NEBL: variants seen among roughly 807,000 people sequenced by gnomAD.
The protein encoded by NEBL is nebulette.
NEBL carries 122 observed loss-of-function variants against 140.2 expected under a neutral mutation model. The observed-to-expected ratio is 0.87, with a 90% confidence interval of 0.75 to 1.01. NEBL has a LOEUF of 1.01. NEBL is among the 50% of genes least tolerant of loss of function. The probability of loss-of-function intolerance (pLI) is 0.00; values close to 1 mark genes in which losing one functional copy is unlikely to be tolerated. For missense variants in NEBL, 1,365 were observed against 1,231.3 expected (o/e 1.11, Z -1.62); for synonymous variants, 436 against 398.9 (o/e 1.09, Z -1.11).
chr10:21,250,029 A>T (rs1463993135), intron 2 of NEBL, among the ~76,000 whole-genome samples: 3 of 152,048 alleles, frequency 2.0e-5, no homozygotes, highest in Admixed American at 6.6e-5. Context: ...ACGCCAGTGC[A>T]CTCCAGCCTG....
intron 1 of NEBL, among the ~76,000 whole-genome samples, chr10:21,264,724 A>G (rs1262699142): frequency 1.4e-5 from 2 of 144,794 alleles, no homozygotes; most frequent in Non-Finnish European, 3.0e-5. Context: ...AAAAAAAAAA[A>G]AAAAAAAAAG....
intron 3 of NEBL, among the ~76,000 whole-genome samples, chr10:21,226,881 T>C (rs1353301531): frequency 6.6e-6 from 1 of 152,158 alleles, no homozygotes; most frequent in Non-Finnish European, 1.5e-5. Context: ...TTTGTGTGGA[T>C]AGTGTTCAAT....
At chr10:21,133,640 C>T (rs764086308) in intron 2 of NEBL, among the ~76,000 whole-genome samples, 24 of 152,168 alleles carry the variant, frequency 1.6e-4, no homozygotes, top group South Asian at 4.1e-4. Flanking sequence ...GCATATGGCA[C>T]GTTGTGAACA....
At chr10:20,939,263 G>A (rs1024205625) in intron 4 of NEBL, among the ~76,000 whole-genome samples, 2 of 152,220 alleles carry the variant, frequency 1.3e-5, no homozygotes, top group African/African-American at 2.4e-5. Context: ...AGCCAGAAGA[G>A]AGTGGGGGCC....
intron 2 of NEBL, among the ~76,000 whole-genome samples, chr10:21,167,104 T>A (rs1840810193): frequency 6.6e-6 from 1 of 152,160 alleles, no homozygotes. Flanking sequence ...TCTGGGTGAC[T>A]CGTCACGAGA....
chr10:20,863,228 G>A (rs1843911604), intron 7 of NEBL, among the ~76,000 whole-genome samples: 1 of 152,072 alleles, frequency 6.6e-6, no homozygotes, highest in South Asian at 2.1e-4. Context: ...CTGCACCTGG[G>A]TATGTGTGAA....
At chr10:20,839,099 G>A (rs1841162643) in intron 13 of NEBL, among the ~76,000 whole-genome samples, 2 of 152,084 alleles carry the variant, frequency 1.3e-5, no homozygotes, top group African/African-American at 4.8e-5. Context: ...TAGCACAGAG[G>A]AGATGATCAA....
At chr10:20,806,297 G>C (rs986472945) in intron 26 of NEBL, among the ~76,000 whole-genome samples, 5 of 152,138 alleles carry the variant, frequency 3.3e-5, no homozygotes, top group African/African-American at 1.2e-4. Flanking sequence ...ATTCATTTAG[G>C]ACCTAAATCA....
At chr10:21,221,281 T>C (rs1365827492) in intron 3 of NEBL, among the ~76,000 whole-genome samples, 1 of 152,184 alleles carries the variant, frequency 6.6e-6, no homozygotes, top group Middle Eastern at 3.2e-3. Context: ...AACTTTTATT[T>C]GTCAATTGTA....
chr10:20,857,112 C>T (rs976789472), intron 9 of NEBL, among the ~76,000 whole-genome samples: 34 of 152,116 alleles, frequency 2.2e-4, no homozygotes, highest in African/African-American at 6.3e-4. Flanking sequence ...CATGAAACAC[C>T]ATGCCCAGCC....
intron 4 of NEBL, among the ~76,000 whole-genome samples, chr10:20,912,070 C>T (rs113515307): frequency 1.3e-5 from 2 of 152,286 alleles, no homozygotes; most frequent in Admixed American, 6.5e-5. Flanking sequence ...GTTATAATAA[C>T]TTTTCTTATT....
intron 23 of NEBL, 78 bp from the exon 24 acceptor site, chr10:20,813,018 T>A: frequency 1.7e-6 from 2 of 1,190,332 alleles, no homozygotes; most frequent in Non-Finnish European, 2.5e-6. Flanking sequence ...ATGACAGGTG[T>A]ACACTGCACT....
intron 4 of NEBL, among the ~76,000 whole-genome samples, chr10:20,910,828 G>GTTTT (rs5783756): frequency 2.0e-5 from 3 of 146,592 alleles, no homozygotes; most frequent in African/African-American, 7.5e-5. Context: ...TTTCGTTTTT[G>GTTTT]TTTTTTTTTT....
At chr10:21,017,157 A>G (rs1197175498) in intron 3 of NEBL, among the ~76,000 whole-genome samples, 1 of 152,172 alleles carries the variant, frequency 6.6e-6, no homozygotes, top group Non-Finnish European at 1.5e-5. Context: ...AAATTCTCTA[A>G]AGGTTGAATG....
chr10:21,009,986 A>C (rs1294207249), intron 3 of NEBL, among the ~76,000 whole-genome samples: 1 of 152,156 alleles, frequency 6.6e-6, no homozygotes, highest in Non-Finnish European at 1.5e-5. Flanking sequence ...GCCTTTTCTG[A>C]ATTCTATATT....
At chr10:20,988,540 C>A (rs942907000) in intron 3 of NEBL, among the ~76,000 whole-genome samples, 2 of 152,156 alleles carry the variant, frequency 1.3e-5, no homozygotes, top group Non-Finnish European at 2.9e-5. Context: ...TCCTATCCCC[C>A]CTTGCCTAGC....
At chr10:20,788,661 A>T (rs1835648612) in intron 26 of NEBL, among the ~76,000 whole-genome samples, 1 of 152,228 alleles carries the variant, frequency 6.6e-6, no homozygotes, top group African/African-American at 2.4e-5. Context: ...CAAGATCTCC[A>T]CTTGAATTAT....
chr10:20,938,995 C>A (rs1834677206), intron 4 of NEBL, among the ~76,000 whole-genome samples: 2 of 152,228 alleles, frequency 1.3e-5, no homozygotes, highest in African/African-American at 2.4e-5. Context: ...GAGAATGGAA[C>A]CAAGTTGGAA....
intron 2 of NEBL, among the ~76,000 whole-genome samples, chr10:21,128,317 G>A (rs1838934586): frequency 6.6e-6 from 1 of 152,064 alleles, no homozygotes; most frequent in African/African-American, 2.4e-5. Flanking sequence ...ATAGATTACA[G>A]TAATTACAGT....
Sources: gnomAD v4.1 joint callset for allele counts (sites outside exome capture counted in the v4.1 genomes callset) on GRCh38, gnomAD v4.1.1 for gene constraint, MANE v1.5 for transcripts, NCBI Gene and HGNC (gene_info 2026-07-23, HGNC 2026-07-21) for gene names.